Variants in BTBD9 observed in about 807,000 individuals in gnomAD.
The protein encoded by BTBD9 is BTB/POZ domain-containing protein 9.
BTBD9 carries 49 observed loss-of-function variants against 64.3 expected under a neutral mutation model. The ratio of observed to expected loss-of-function variants is 0.76; its 90% CI spans 0.61 to 0.97. BTBD9 has a LOEUF of 0.97. Ranked by LOEUF, BTBD9 falls within the 50% of genes least tolerant of loss-of-function variation. The pLI, the probability that BTBD9 is intolerant of heterozygous loss-of-function variation, is 0.00. For synonymous variants in BTBD9, 260 were observed against 274.7 expected (o/e 0.95, Z 0.53); for missense variants, 598 against 762.1 (o/e 0.78, Z 2.53).
rs191848884 is a variant in BTBD9, at chr6:38,242,129, C to A, written c.1562+14280G>T. ...CTTTGTATCCATAGTCTTCATCATACTTCTGGAAGGTGGATAGTTGACTTG... is the reference window on the plus strand; with the variant it reads ...CTTTGTATCCATAGTCTTCATCATAATTCTGGAAGGTGGATAGTTGACTTG... On this transcript the variant is annotated intron_variant, in intron 9 of 10. Coordinates refer to ENST00000481247, the MANE Select transcript of BTBD9 (RefSeq NM_001099272.2). Among the ~76,000 whole-genome samples, 7 of 152,244 alleles carry A rather than the reference C, an allele frequency of 4.6e-5. No individual in the cohort carries two copies. In the East Asian group the frequency reaches 1.2e-3, roughly 25 times the overall value.
chr6:38,272,012 T>C (rs1373812926), intron 8 of BTBD9, among the ~76,000 whole-genome samples: 1 of 151,992 alleles, frequency 6.6e-6, no homozygotes, highest in African/African-American at 2.4e-5. Context: ...GCAGCTCCAA[T>C]TAAAAATGAA....
At chr6:38,638,694 C>A (rs183511520) in intron 1 of BTBD9, among the ~76,000 whole-genome samples, 20 of 152,316 alleles carry the variant, frequency 1.3e-4, no homozygotes, top group African/African-American at 4.3e-4. Flanking sequence ...GAATTTTAGA[C>A]CTAAATGAGA....
chr6:38,615,093 C>T (rs1777740457), intron 1 of BTBD9, among the ~76,000 whole-genome samples: 1 of 152,226 alleles, frequency 6.6e-6, no homozygotes, highest in Non-Finnish European at 1.5e-5. Context: ...CTCCCTTATG[C>T]CACAGGGCTT....
intron 6 of BTBD9, among the ~76,000 whole-genome samples, chr6:38,476,052 T>C (rs1361750214): frequency 6.6e-6 from 1 of 152,218 alleles, no homozygotes; most frequent in East Asian, 1.9e-4. Context: ...AATGTCCATT[T>C]GGCAGGCTGG....
chr6:38,406,053 T>C (rs1314715775), intron 6 of BTBD9, among the ~76,000 whole-genome samples: 2 of 152,210 alleles, frequency 1.3e-5, no homozygotes, highest in South Asian at 2.1e-4. Flanking sequence ...ACTATTCAAG[T>C]GGGCTCAACT....
intron 7 of BTBD9, among the ~76,000 whole-genome samples, chr6:38,297,768 C>T (rs781391453): frequency 2.0e-5 from 3 of 151,608 alleles, no homozygotes; most frequent in South Asian, 2.1e-4. Context: ...TATTTGAACT[C>T]GCTTTTATTT....
intron 6 of BTBD9, among the ~76,000 whole-genome samples, chr6:38,348,724 T>C (rs1261778162): frequency 6.6e-6 from 1 of 152,122 alleles, no homozygotes; most frequent in Non-Finnish European, 1.5e-5. Context: ...CTAGGAGCTA[T>C]AAGATTACGG....
chr6:38,558,351 A>G (rs1169632930), intron 6 of BTBD9, among the ~76,000 whole-genome samples: 1 of 151,960 alleles, frequency 6.6e-6, no homozygotes, highest in Non-Finnish European at 1.5e-5. Context: ...AAAAGAGATA[A>G]TTTGACTTCT....
chr6:38,533,294 CA>C (rs1290065933), intron 6 of BTBD9, among the ~76,000 whole-genome samples: 1 of 151,940 alleles, frequency 6.6e-6, no homozygotes, highest in African/African-American at 2.4e-5. Context: ...GATTTCAAGA[CA>C]AAAACTATAA....
chr6:38,477,878 G>A (rs1323243530), intron 6 of BTBD9, among the ~76,000 whole-genome samples: 1 of 152,198 alleles, frequency 6.6e-6, no homozygotes, highest in Non-Finnish European at 1.5e-5. Context: ...GCTCTGTGGT[G>A]AGGCAGCATG....
At chr6:38,465,346 G>A (rs368816854) in intron 6 of BTBD9, among the ~76,000 whole-genome samples, 25 of 151,088 alleles carry the variant, frequency 1.7e-4, no homozygotes, top group Non-Finnish European at 2.4e-4. Context: ...GGCCGGGTGC[G>A]GTGGCTCACG....
At chr6:38,290,499 C>T (rs2127556767) in intron 7 of BTBD9, among the ~76,000 whole-genome samples, 1 of 152,080 alleles carries the variant, frequency 6.6e-6, no homozygotes, top group South Asian at 2.1e-4. Context: ...AACTGACAGG[C>T]CCCTACTCTC....
At chr6:38,495,167 C>G (rs533643430) in intron 6 of BTBD9, among the ~76,000 whole-genome samples, 4 of 152,298 alleles carry the variant, frequency 2.6e-5, no homozygotes, top group African/African-American at 9.6e-5. Flanking sequence ...CATCTTGTTT[C>G]CACCGCTACA....
rs140204525 is a variant in BTBD9, at chr6:38,420,743, C to A, written c.1155-75650G>T. ...TGGTGGCACACACCTGTAGTCTCAG[C>A]TACTCAGGAGGCCGAGGCAGGAGAA... On this transcript the variant is annotated intron_variant, in intron 6 of 10. Coordinates refer to ENST00000481247, the MANE Select transcript of BTBD9 (RefSeq NM_001099272.2). Among the ~76,000 whole-genome samples, 1,113 of 152,174 alleles carry A rather than the reference C, an allele frequency of 7.3e-3. 9 individuals are homozygous for A. The highest frequency in any genetic ancestry group is 0.025 in the African/African-American group (1,053 of 41,510).
At position 38,639,867 on chromosome 6, in the gene BTBD9, C is replaced by G. The variant is rs1361182006; in HGVS notation, c.-95G>C. 6.6e-6 allele frequency: 1 copy of G among 152,492 alleles called. No homozygotes were observed. The highest frequency in any genetic ancestry group is 1.5e-5 in the Non-Finnish European group (1 of 68,364). 9.4% of individuals were successfully genotyped at this position (152,492 alleles called of 1,614,324 possible). ...TCTTCCGCCCGCTCCGCACCCCTCT[C>G]TGCGCCACCGCCCCCTTGGCCGCTT... On this transcript the variant is annotated 5_prime_UTR_variant, in exon 1 of 11. Transcript: ENST00000481247.
At chr6:38,250,362 C>A (rs1034093325) in intron 9 of BTBD9, among the ~76,000 whole-genome samples, 1 of 152,158 alleles carries the variant, frequency 6.6e-6, no homozygotes, top group Admixed American at 6.5e-5. Flanking sequence ...AAACAAAAAG[C>A]TGTCTAATAG....
intron 7 of BTBD9, among the ~76,000 whole-genome samples, chr6:38,329,750 T>A (rs1026762776): frequency 6.6e-6 from 1 of 151,586 alleles, no homozygotes; most frequent in Non-Finnish European, 1.5e-5. Context: ...AGGTCAGGAG[T>A]TCGAGAACAG....
At chr6:38,303,874 T>C (rs6919179) in intron 7 of BTBD9, among the ~76,000 whole-genome samples, 6,239 of 82,456 alleles carry the variant, frequency 0.076, 348 homozygotes, top group East Asian at 0.18. Context: ...TATATATATA[T>C]ACACACACAC....
At chr6:38,189,816 G>A (rs1363028048) in intron 10 of BTBD9, among the ~76,000 whole-genome samples, 1 of 152,128 alleles carries the variant, frequency 6.6e-6, no homozygotes, top group African/African-American at 2.4e-5. Flanking sequence ...TGGGATTACA[G>A]GCACATACCA....
Sources: allele counts gnomAD v4.1 joint callset (sites outside exome capture counted in the v4.1 genomes callset), GRCh38; gene constraint gnomAD v4.1.1; transcripts MANE v1.5; gene names NCBI Gene and HGNC (gene_info 2026-07-23, HGNC 2026-07-21).